LRAT: variants seen among roughly 807,000 people sequenced by gnomAD.
LRAT encodes lecithin retinol acyltransferase, also known as lecithin retinol acyltransferase (phosphatidylcholine--retinol O-acyltransferase).
A neutral mutation model predicts 14.2 loss-of-function variants in LRAT; 11 were observed. The ratio of observed to expected loss-of-function variants is 0.78; its 90% CI spans 0.49 to 1.29. LRAT has a LOEUF of 1.29. Among genes scored for constraint, LRAT ranks in the 50% most tolerant of loss-of-function variants. The probability of loss-of-function intolerance (pLI) is 0.00; values close to 1 mark genes in which losing one functional copy is unlikely to be tolerated. For synonymous variants in LRAT, 144 were observed against 124.8 expected (o/e 1.15, Z -1.03); for missense variants, 274 against 292.4 (o/e 0.94, Z 0.46).
intron 2 of LRAT, among the ~76,000 whole-genome samples, chr4:154,746,425 A>T (rs549152434): frequency 4.5e-4 from 69 of 152,338 alleles, no homozygotes; most frequent in African/African-American, 1.6e-3. Context: ...TAGATTTTAT[A>T]GAGCCACAAA....
rs766802209 is a variant in LRAT at position 154,744,396 on chromosome 4, C to A, written c.70C>A (p.Leu24Ile). 2 of 1,614,182 alleles carry A rather than the reference C, an allele frequency of 1.2e-6. No individual in the cohort carries two copies. The highest frequency in any genetic ancestry group is 2.2e-5 in the South Asian group (2 of 91,088). ...GCTGCTCCTCATCTCCAACTTCACG[C>A]TCTTTAGTTCGGGCGCCGCGGGCGA... is the stretch of plus-strand genomic sequence containing the variant. ...EKLLLISNFTLFSSGAAGEDK... is the reference protein window; with the variant it reads ...EKLLLISNFTIFSSGAAGEDK... Residue 24 changes from leucine to isoleucine, a missense_variant, in exon 2 of 3, where the codon CTC becomes ATC. Leu to Ile is a conservative substitution (Grantham distance 5). Coordinates refer to ENST00000336356, the MANE Select transcript of LRAT (RefSeq NM_004744.5).
upstream of LRAT, among the ~76,000 whole-genome samples, chr4:154,742,573 G>C (rs544301759): frequency 6.6e-6 from 1 of 152,176 alleles, no homozygotes; most frequent in Non-Finnish European, 1.5e-5. Context: ...TATTAGCGCC[G>C]ACTGGGCAGC....
In LRAT at chr4:154,744,524, A is replaced by C. The variant is rs768065631; in HGVS notation, c.198A>C (p.Gly66=). 26 of 1,613,972 alleles carry C rather than the reference A, an allele frequency of 1.6e-5. No individual in the cohort carries two copies. Among genetic ancestry groups the C allele is most frequent in the Non-Finnish European group, 2.1e-5 (25 of 1,180,022 alleles). Residue 66 remains glycine (G), a synonymous_variant, in exon 2 of 3, where the codon GGA becomes GGC. Coordinates refer to ENST00000336356, the MANE Select transcript of LRAT (RefSeq NM_004744.5). ...THLTHYGIYL[G]DNRVAHMMPD... is the part of the protein sequence containing the mutation. ...TGACCCACTATGGCATCTACCTAGG[A>C]GACAACCGTGTTGCCCACATGATGC...
Position 154,744,499 on chromosome 4 carries a change from T to A in LRAT, c.173T>A (p.Leu58Gln). 6.2e-7 allele frequency: 1 copy of A among 1,614,088 alleles called. No individual in the cohort carries two copies. Among genetic ancestry groups the A allele is most frequent in the Non-Finnish European group, 8.5e-7 (1 of 1,179,994 alleles). The change falls in exon 2 of 3, where the codon CTG (leucine) becomes CAG (glutamine). Residue 58 changes from leucine to glutamine, a missense_variant. Transcript: ENST00000336356. ...GTGCTGGAGGTGCCCCGGACCCACC[T>A]GACCCACTATGGCATCTACCTAGGA... is the stretch of plus-strand genomic sequence containing the variant. Reference protein sequence around the residue: ...GDVLEVPRTHLTHYGIYLGDN... With the variant: ...GDVLEVPRTHQTHYGIYLGDN...
upstream of LRAT, among the ~76,000 whole-genome samples, chr4:154,743,125 A>AC (rs59844353): frequency 0.11 from 1,865 of 17,758 alleles, 136 homozygotes; most frequent in Middle Eastern, 0.29. Flanking sequence ...GACCCCCCCA[A>AC]CCCCCCCCCC....
chr4:154,747,809 A>G (rs1466976456), intron 2 of LRAT, among the ~76,000 whole-genome samples: 1 of 152,178 alleles, frequency 6.6e-6, no homozygotes, highest in Non-Finnish European at 1.5e-5. Flanking sequence ...TTTATTAAAA[A>G]AGGACAAATA....
Position 154,752,261 on chromosome 4 carries a change from G to A in LRAT, c.*3125G>A, listed in dbSNP as rs1406759100. On this transcript the variant is annotated 3_prime_UTR_variant, in exon 3 of 3. Coordinates refer to ENST00000336356, the MANE Select transcript of LRAT (RefSeq NM_004744.5). The stretch of plus-strand genomic sequence containing the variant: ...TTTTGGGCAGGACATTCCATGCACT[G>A]GAAATAGCATGAACAAATGCATGAA... 1.3e-5 allele frequency: 2 copies of A among 152,212 alleles called. No individual in the cohort carries two copies. Among genetic ancestry groups the A allele is most frequent in the Admixed American group, 1.3e-4 (2 of 15,284 alleles). The allele number at this position is 152,212 out of a possible 1,614,324, so 9.4% of individuals were successfully genotyped here.
upstream of LRAT, among the ~76,000 whole-genome samples, chr4:154,742,573 G>A (rs544301759): frequency 6.6e-6 from 1 of 152,294 alleles, no homozygotes; most frequent in African/African-American, 2.4e-5. Flanking sequence ...TATTAGCGCC[G>A]ACTGGGCAGC....
chr4:154,745,134 T>C (rs1385287932), intron 2 of LRAT, among the ~76,000 whole-genome samples: 2 of 143,572 alleles, frequency 1.4e-5, no homozygotes, highest in African/African-American at 5.1e-5. Flanking sequence ...TTCTCCTGCC[T>C]CAGCCTCCTG....
At position 154,749,895 on chromosome 4, in the gene LRAT, A is replaced by G. The variant is rs1345625184; in HGVS notation, c.*759A>G. 6.6e-6 allele frequency: 1 copy of G among 152,194 alleles called. No homozygotes were observed. Among genetic ancestry groups the G allele is most frequent in the African/African-American group, 2.4e-5 (1 of 41,446 alleles). 9.4% of individuals were successfully genotyped at this position (152,194 alleles called of 1,614,324 possible). On this transcript the variant is annotated 3_prime_UTR_variant, in exon 3 of 3. Coordinates refer to ENST00000336356, the MANE Select transcript of LRAT (RefSeq NM_004744.5). ...ATCACTCTGAGAGGTAAATGGATAT[A>G]GGATTGAAGTTATGTGGGTATTTGG...
At position 154,744,367 on chromosome 4, in the gene LRAT, A is replaced by C; in HGVS notation, c.41A>C (p.Glu14Ala). Residue 14 changes from glutamate to alanine, a missense_variant, in exon 2 of 3, where the codon GAG (glutamate) becomes GCG (alanine). By Grantham distance (107) the Glu-to-Ala change is moderately radical. Transcript: ENST00000336356. Reference protein sequence around the residue: ...PMLEVVSLLLEKLLLISNFTL... With the variant: ...PMLEVVSLLLAKLLLISNFTL... The stretch of plus-strand genomic sequence containing the variant: ...CTGGAGGTGGTGTCTTTACTACTGG[A>C]GAAGCTGCTCCTCATCTCCAACTTC... The C allele has an allele frequency of 1.2e-6, 2 of 1,614,132 alleles. No homozygotes were observed. The highest frequency in any genetic ancestry group is 1.7e-6 in the Non-Finnish European group (2 of 1,180,036).
chr4:154,745,025 T>TCC (rs1732857984), intron 2 of LRAT, among the ~76,000 whole-genome samples, 159 bp downstream of exon 2: 1 of 132,554 alleles, frequency 7.5e-6, no homozygotes, highest in Admixed American at 7.4e-5. Context: ...TTTTTTTTTT[T>TCC]TTTTTTTTTT....
rs148078017 is a variant in LRAT, at chr4:154,746,081, T to C, written c.540+1215T>C. ...ATTTTTATTTCCTTTTAAAACCTCTTAACTTTTAAAAATAGTTAAGATTTT... is the reference window on the plus strand; with the variant it reads ...ATTTTTATTTCCTTTTAAAACCTCTCAACTTTTAAAAATAGTTAAGATTTT... On this transcript the variant is annotated intron_variant, in intron 2 of 2. Coordinates refer to ENST00000336356, the MANE Select transcript of LRAT (RefSeq NM_004744.5). 4.4e-4 allele frequency among the ~76,000 whole-genome samples: 67 copies of C among 152,346 alleles called. 1 individual carries two copies. Among genetic ancestry groups the C allele is most frequent in the African/African-American group, 1.3e-3 (54 of 41,588 alleles).
Position 154,744,173 on chromosome 4 carries a change from CCTCT to C in LRAT, c.-47_-44del. ...AGGCCTCGCTGTCCTCCTTTGCCTT[CCTCT>C]CTCCTCAGCGGCCGTACTTTGCGCC... is the stretch of plus-strand genomic sequence containing the variant. On this transcript the variant is annotated 5_prime_UTR_variant, in exon 1 of 3. Transcript: ENST00000336356. 5 of 752,176 alleles carry C rather than the reference CCTCT, an allele frequency of 6.6e-6. No individual in the cohort carries two copies. The highest frequency in any genetic ancestry group is 1.1e-5 in the Non-Finnish European group (5 of 446,140). 46.6% of individuals were successfully genotyped at this position (752,176 alleles called of 1,614,324 possible). A position where few individuals can be genotyped will look rare whatever the true frequency, so the allele number is the denominator to read the frequency against.
chr4:154,741,889 G>A (rs995805435), upstream of LRAT, among the ~76,000 whole-genome samples: 2 of 152,192 alleles, frequency 1.3e-5, no homozygotes, highest in African/African-American at 4.8e-5. Context: ...TTCCCCAGGT[G>A]GAGGCAGTCA....
chr4:154,744,918 C>A, intron 2 of LRAT, 52 bp downstream of exon 2: 1 of 1,578,136 alleles, frequency 6.3e-7, no homozygotes, highest in Non-Finnish European at 8.7e-7. Flanking sequence ...TGCCCCCTCC[C>A]ATCCCTGACC....
rs1225791169 is a variant in LRAT, at chr4:154,752,918, T to C, written c.*3782T>C. 6.6e-6 allele frequency: 1 copy of C among 152,222 alleles called. No individual in the cohort carries two copies. 9.4% of individuals were successfully genotyped at this position (152,222 alleles called of 1,614,324 possible). ...ATTTTTCTACTTCATACTGTTAATGTCAAATATCAAAAATGTTTTCCAGCA... is the reference window on the plus strand; with the variant it reads ...ATTTTTCTACTTCATACTGTTAATGCCAAATATCAAAAATGTTTTCCAGCA... On this transcript the variant is annotated 3_prime_UTR_variant, in exon 3 of 3. Transcript: ENST00000336356.
Position 154,744,032 on chromosome 4 carries a change from C to G in LRAT, c.-192C>G. The G allele has an allele frequency of 2.2e-6, 1 of 462,560 alleles. No individual in the cohort carries two copies. The highest frequency in any genetic ancestry group is 4.0e-6 in the Non-Finnish European group (1 of 251,488). The allele number at this position is 462,560 out of a possible 1,614,324, so 28.7% of individuals were successfully genotyped here. On this transcript the variant is annotated 5_prime_UTR_variant, in exon 1 of 3. Coordinates refer to ENST00000336356, the MANE Select transcript of LRAT (RefSeq NM_004744.5). ...GCGCGCGGCCCTGCCCCCGGCACGGCCCCCAGGTGCGCTCCTTCTCCGGCT... is the reference window on the plus strand; with the variant it reads ...GCGCGCGGCCCTGCCCCCGGCACGGGCCCCAGGTGCGCTCCTTCTCCGGCT...
In LRAT at chr4:154,749,315, TGAA is replaced by T; in HGVS notation, c.*180_*182del. Reference sequence around the variant, plus strand: ...TGTAAGCCCAAGAACAAAGGCTTTCTGAATCTTCTCAGGCAGTTCAGATTTAAA... The same window carrying T: ...TGTAAGCCCAAGAACAAAGGCTTTCTTCTTCTCAGGCAGTTCAGATTTAAA... On this transcript the variant is annotated 3_prime_UTR_variant, in exon 3 of 3. Transcript: ENST00000336356. 1.5e-6 allele frequency: 1 copy of T among 669,046 alleles called. No homozygotes were observed. The highest frequency in any genetic ancestry group is 2.6e-6 in the Non-Finnish European group (1 of 387,514). 41.4% of individuals were successfully genotyped at this position (669,046 alleles called of 1,614,324 possible).
Sources: gnomAD v4.1 joint callset for allele counts (sites outside exome capture counted in the v4.1 genomes callset) on GRCh38, gnomAD v4.1.1 for gene constraint, MANE v1.5 for transcripts, NCBI Gene and HGNC (gene_info 2026-07-23, HGNC 2026-07-21) for gene names.